Variants in ALK observed in about 807,000 individuals in gnomAD.
ALK encodes ALK tyrosine kinase receptor.
Under a neutral mutation model 163.1 loss-of-function variants are expected in ALK, and 74 were observed. The observed-to-expected ratio is 0.45, with a 90% CI of 0.38 to 0.55. The LOEUF (loss-of-function observed/expected upper bound fraction) is 0.55. Among genes scored for constraint, ALK ranks in the 20% least tolerant of loss-of-function variants. The pLI is 0.00. For missense variants in ALK, 2,063 were observed against 2,105.3 expected (o/e 0.98, Z 0.39); for synonymous variants, 960 against 843.2 (o/e 1.14, Z -2.40).
chr2:29,880,634 C>T (rs1666833596), intron 1 of ALK, among the ~76,000 whole-genome samples: 1 of 152,226 alleles, frequency 6.6e-6, no homozygotes, highest in Non-Finnish European at 1.5e-5. Context: ...ATCATAAACA[C>T]ACACGCCTCG....
chr2:29,659,713 G>A (rs1677292514), intron 3 of ALK, among the ~76,000 whole-genome samples: 1 of 152,090 alleles, frequency 6.6e-6, no homozygotes. Flanking sequence ...GCATTTCTGA[G>A]GGTCTACTTC....
At chr2:29,513,687 G>T (rs1672584065) in intron 4 of ALK, among the ~76,000 whole-genome samples, 1 of 151,006 alleles carries the variant, frequency 6.6e-6, no homozygotes, top group African/African-American at 2.4e-5. Context: ...CACAGCAAAA[G>T]AAACTACCAT....
chr2:29,709,687 A>G (rs1234605748), intron 2 of ALK, among the ~76,000 whole-genome samples: 1 of 152,182 alleles, frequency 6.6e-6, no homozygotes, highest in Non-Finnish European at 1.5e-5. Flanking sequence ...ACCACCTCCC[A>G]GACTGTTCTA....
At chr2:29,504,496 G>A (rs549709499) in intron 4 of ALK, among the ~76,000 whole-genome samples, 4 of 152,294 alleles carry the variant, frequency 2.6e-5, no homozygotes, top group Admixed American at 2.6e-4. Context: ...CAGTTGACCA[G>A]GTGAGAGATT....
intron 19 of ALK, chr2:29,223,789 T>A (rs1663823062): frequency 1.9e-6 from 1 of 529,028 alleles, no homozygotes; most frequent in Non-Finnish European, 3.4e-6. Context: ...GTCATGTTAG[T>A]CTGGTTCCTC....
At chr2:29,689,183 G>A (rs975874050) in intron 3 of ALK, among the ~76,000 whole-genome samples, 1 of 152,158 alleles carries the variant, frequency 6.6e-6, no homozygotes, top group African/African-American at 2.4e-5. Flanking sequence ...CTCAGAAATG[G>A]GTGGCTAATG....
chr2:29,514,585 C>T (rs562200068), intron 4 of ALK, among the ~76,000 whole-genome samples: 2 of 152,202 alleles, frequency 1.3e-5, no homozygotes, highest in African/African-American at 2.4e-5. Flanking sequence ...TGTCCACATG[C>T]GTTTCCTCTT....
At chr2:29,232,966 A>G (rs1031836858) in intron 14 of ALK, among the ~76,000 whole-genome samples, 21 of 152,238 alleles carry the variant, frequency 1.4e-4, no homozygotes, top group African/African-American at 4.6e-4. Context: ...AGCAAAGTCC[A>G]CCTTAGGGCA....
chr2:29,706,265 G>A (rs1678909138), intron 2 of ALK, among the ~76,000 whole-genome samples: 2 of 152,164 alleles, frequency 1.3e-5, no homozygotes, highest in Non-Finnish European at 2.9e-5. Context: ...GAACCCAGGG[G>A]GCCTGACTTC....
intron 1 of ALK, among the ~76,000 whole-genome samples, chr2:29,850,072 A>G (rs1245282139): frequency 6.6e-6 from 1 of 152,204 alleles, no homozygotes; most frequent in Non-Finnish European, 1.5e-5. Flanking sequence ...CAAACTACCA[A>G]AATGCCCATT....
intron 8 of ALK, among the ~76,000 whole-genome samples, chr2:29,310,786 T>A (rs977196537): frequency 5.3e-5 from 8 of 152,198 alleles, no homozygotes; most frequent in African/African-American, 1.9e-4. Context: ...CTTGTTGCCA[T>A]GGCTCAGGGG....
chr2:29,757,592 T>TG (rs1680573339), intron 1 of ALK, among the ~76,000 whole-genome samples: 4 of 86,804 alleles, frequency 4.6e-5, no homozygotes, highest in Admixed American at 1.2e-4. Flanking sequence ...TTTTTGTTTG[T>TG]TTGTGTGTGT....
At chr2:29,453,723 G>A (rs1422108549) in intron 4 of ALK, among the ~76,000 whole-genome samples, 1 of 152,078 alleles carries the variant, frequency 6.6e-6, no homozygotes, top group Non-Finnish European at 1.5e-5. Context: ...AAGGAAAAGA[G>A]AAAGAAAAAG....
intron 1 of ALK, among the ~76,000 whole-genome samples, chr2:29,801,101 C>T (rs1023046108): frequency 6.6e-6 from 1 of 152,186 alleles, no homozygotes; most frequent in Non-Finnish European, 1.5e-5. Flanking sequence ...CAACCTTCAA[C>T]CTATGGAAGA....
chr2:29,837,596 G>A (rs2148392453), intron 1 of ALK, among the ~76,000 whole-genome samples: 1 of 152,310 alleles, frequency 6.6e-6, no homozygotes, highest in Middle Eastern at 3.4e-3. Context: ...GCCCCAGAAA[G>A]TCCATGCTTA....
chr2:29,590,702 C>T (rs1293751862), intron 3 of ALK, among the ~76,000 whole-genome samples: 1 of 152,128 alleles, frequency 6.6e-6, no homozygotes, highest in Non-Finnish European at 1.5e-5. Flanking sequence ...TACCCCCATC[C>T]TGCTTCTTGG....
At chr2:29,420,156 T>TA (rs66468654) in intron 4 of ALK, among the ~76,000 whole-genome samples, 25,792 of 108,262 alleles carry the variant, frequency 0.24, 3,160 homozygotes, top group Non-Finnish European at 0.27. Flanking sequence ...GACCCTGTCT[T>TA]AAAAAAAAAA....
intron 4 of ALK, among the ~76,000 whole-genome samples, chr2:29,474,739 G>A (rs1336883174): frequency 1.3e-5 from 2 of 152,144 alleles, no homozygotes; most frequent in Admixed American, 6.5e-5. Flanking sequence ...AAACGTATTC[G>A]TGAATTAATT....
chr2:29,740,166 T>A (rs1160719651), intron 1 of ALK, among the ~76,000 whole-genome samples: 1 of 152,072 alleles, frequency 6.6e-6, no homozygotes, highest in Non-Finnish European at 1.5e-5. Context: ...ATTGAGAAGT[T>A]TTCAGTCCCT....
Sources: allele counts gnomAD v4.1 joint callset (sites outside exome capture counted in the v4.1 genomes callset), GRCh38; gene constraint gnomAD v4.1.1; transcripts MANE v1.5; gene names NCBI Gene and HGNC (gene_info 2026-07-23, HGNC 2026-07-21).